The following GNAQ variants were observed in gnomAD, a reference collection of about 807,000 sequenced individuals.
GNAQ encodes the protein G protein subunit alpha q.
GNAQ carries 8 observed loss-of-function variants against 43.9 expected under a neutral mutation model. The ratio of observed to expected loss-of-function variants is 0.18; its 90% confidence interval spans 0.11 to 0.33. The LOEUF (loss-of-function observed/expected upper bound fraction) is 0.33. Among genes scored for constraint, GNAQ ranks in the 10% least tolerant of loss-of-function variants. The pLI, the probability that GNAQ is intolerant of heterozygous loss-of-function variation, is 1.00. For synonymous variants in GNAQ, 155 were observed against 170.7 expected (o/e 0.91, Z 0.71); for missense variants, 158 against 450.8 (o/e 0.35, Z 5.88).
intron 1 of GNAQ, among the ~76,000 whole-genome samples, chr9:77,967,790 G>T (rs1469858671): frequency 6.6e-6 from 1 of 152,060 alleles, no homozygotes; most frequent in Non-Finnish European, 1.5e-5. Context: ...AACCAGCCTG[G>T]TCAACATGGT....
intron 1 of GNAQ, among the ~76,000 whole-genome samples, chr9:77,957,142 G>A (rs1345982635): frequency 1.3e-5 from 2 of 152,048 alleles, no homozygotes; most frequent in African/African-American, 4.8e-5. Context: ...GCGGTCACGA[G>A]GTCAGAAATT....
intron 1 of GNAQ, among the ~76,000 whole-genome samples, chr9:78,000,227 A>G (rs1823626972): frequency 6.6e-6 from 1 of 152,230 alleles, no homozygotes; most frequent in Non-Finnish European, 1.5e-5. Flanking sequence ...CTATAGGGAA[A>G]TCAAATGTAG....
intron 1 of GNAQ, among the ~76,000 whole-genome samples, chr9:77,993,376 G>A (rs1038068674): frequency 6.6e-6 from 1 of 152,104 alleles, no homozygotes; most frequent in African/African-American, 2.4e-5. Context: ...TGATTTATGT[G>A]TACTAATCTA....
intron 5 of GNAQ, among the ~76,000 whole-genome samples, chr9:77,790,270 T>C (rs1826546366): frequency 6.6e-6 from 1 of 152,224 alleles, no homozygotes; most frequent in Non-Finnish European, 1.5e-5. Context: ...CGATTTGAGT[T>C]TTTTTCTCCT....
chr9:77,979,634 G>C (rs916353291), intron 1 of GNAQ, among the ~76,000 whole-genome samples: 2 of 152,058 alleles, frequency 1.3e-5, no homozygotes, highest in African/African-American at 4.8e-5. Context: ...CCCAAGGGGG[G>C]GGAGACTGAA....
intron 2 of GNAQ, among the ~76,000 whole-genome samples, chr9:77,851,121 C>T (rs991297976): frequency 4.6e-5 from 7 of 152,158 alleles, no homozygotes; most frequent in African/African-American, 1.7e-4. Context: ...TATGAATTGA[C>T]ACTTAACATA....
chr9:77,868,163 CCT>C (rs1435968641), intron 2 of GNAQ, among the ~76,000 whole-genome samples: 10 of 152,156 alleles, frequency 6.6e-5, no homozygotes, highest in African/African-American at 2.4e-4. Context: ...ATATAGTATT[CCT>C]CTGTGTATCC....
At chr9:77,905,124 T>G (rs1181378977) in intron 2 of GNAQ, among the ~76,000 whole-genome samples, 1 of 152,168 alleles carries the variant, frequency 6.6e-6, no homozygotes, top group African/African-American at 2.4e-5. Context: ...AGTTAGATGT[T>G]AAGAAAGGCA....
At chr9:77,931,595 A>G (rs1409554267) in intron 1 of GNAQ, among the ~76,000 whole-genome samples, 2 of 145,632 alleles carry the variant, frequency 1.4e-5, no homozygotes, top group African/African-American at 2.5e-5. Context: ...ACTCTGTCTC[A>G]AAAAAAAAAA....
chr9:77,922,167 G>A lies in GNAQ; in HGVS notation c.315C>T (p.His105=). The A allele has an allele frequency of 6.2e-7, 1 of 1,610,460 alleles. No homozygotes were observed. ...AATGAAGAGTCGCACCTACCTTATT[G>A]TGCTCATACTTGTATGGGATCTTGA... The part of the protein sequence containing the change: ...DTLKIPYKYE[H]NKAHAQLVRE... Residue 105 remains histidine (H), a synonymous_variant, in exon 2 of 7, where the codon CAC becomes CAT. Transcript: ENST00000286548.
intron 2 of GNAQ, among the ~76,000 whole-genome samples, chr9:77,853,774 CAAAAA>C (rs34924714): frequency 6.9e-4 from 39 of 56,760 alleles, no homozygotes; most frequent in African/African-American, 2.2e-3. Flanking sequence ...AAATTACTAC[CAAAAA>C]AAAAAAAAAA....
At chr9:77,870,879 C>A (rs1410556) in intron 2 of GNAQ, among the ~76,000 whole-genome samples, 79,508 of 151,718 alleles carry the variant, frequency 0.52, 22,728 homozygotes, top group South Asian at 0.64. Flanking sequence ...ATGATAGATA[C>A]TATGAGATTC....
chr9:78,005,820 G>T (rs79341489), intron 1 of GNAQ, among the ~76,000 whole-genome samples: 1 of 152,168 alleles, frequency 6.6e-6, no homozygotes, highest in African/African-American at 2.4e-5. Context: ...TCACCTGGAA[G>T]ACTCGCCCGT....
At chr9:77,918,169 A>C (rs372021106) in intron 2 of GNAQ, among the ~76,000 whole-genome samples, 1 of 152,228 alleles carries the variant, frequency 6.6e-6, no homozygotes. Context: ...TTCCCAGTTC[A>C]GAAGAGCTCA....
At chr9:77,771,017 TAGTA>T (rs1826215098) in intron 5 of GNAQ, among the ~76,000 whole-genome samples, 1 of 152,222 alleles carries the variant, frequency 6.6e-6, no homozygotes, top group Non-Finnish European at 1.5e-5. Context: ...ACATAGTTTT[TAGTA>T]AGTCGGTTTT....
intron 2 of GNAQ, among the ~76,000 whole-genome samples, chr9:77,867,846 G>A (rs1184785517): frequency 1.3e-5 from 2 of 152,168 alleles, no homozygotes; most frequent in African/African-American, 4.8e-5. Context: ...AGAGACAGGT[G>A]TAAAAGGACA....
In GNAQ at chr9:77,928,717, A is replaced by C. The variant is rs114355127; in HGVS notation, c.137-6372T>G. Among the ~76,000 whole-genome samples the C allele has an allele frequency of 4.2e-3, 632 of 152,274 alleles. 4 individuals are homozygous for C. Among genetic ancestry groups the C allele is most frequent in the African/African-American group, 0.015 (605 of 41,548 alleles). On this transcript the variant is annotated intron_variant, in intron 1 of 6. Coordinates refer to ENST00000286548, the MANE Select transcript of GNAQ (RefSeq NM_002072.5). ...TATACTAAAAAACATAAATTTGTAC[A>C]CTTTAAAATGGTAAATTTTAGGTCC...
intron 5 of GNAQ, among the ~76,000 whole-genome samples, chr9:77,762,393 G>T (rs1268046295): frequency 7.3e-6 from 1 of 136,534 alleles, no homozygotes; most frequent in Non-Finnish European, 1.6e-5. Flanking sequence ...GAGCCCCTCT[G>T]CCTGGCCAGC....
chr9:77,722,930 T>A (rs1335544827), intron 6 of GNAQ, among the ~76,000 whole-genome samples: 1 of 152,218 alleles, frequency 6.6e-6, no homozygotes, highest in Non-Finnish European at 1.5e-5. Context: ...AAGCATGAGC[T>A]ACCACACCTG....
Sources: gnomAD v4.1 joint callset for allele counts (sites outside exome capture counted in the v4.1 genomes callset) on GRCh38, gnomAD v4.1.1 for gene constraint, MANE v1.5 for transcripts, NCBI Gene and HGNC (gene_info 2026-07-23, HGNC 2026-07-21) for gene names.